PTPRM: variants seen among roughly 807,000 people sequenced by gnomAD.
The protein encoded by PTPRM is protein tyrosine phosphatase receptor type M.
PTPRM carries 47 observed loss-of-function variants against 186.7 expected under a neutral mutation model. The ratio of observed to expected loss-of-function variants is 0.25; its 90% CI spans 0.20 to 0.32. The LOEUF (loss-of-function observed/expected upper bound fraction) is 0.32, where lower values mean the gene tolerates loss of function less well. PTPRM is among the 10% of genes least tolerant of loss of function. PTPRM has a pLI of 1.00. For synonymous variants in PTPRM, 668 were observed against 674.9 expected (o/e 0.99, Z 0.16); for missense variants, 1,494 against 1,865.0 (o/e 0.80, Z 3.66).
At chr18:7,997,474 G>A (rs1473736221) in intron 7 of PTPRM, among the ~76,000 whole-genome samples, 1 of 152,102 alleles carries the variant, frequency 6.6e-6, no homozygotes, top group African/African-American at 2.4e-5. Context: ...ATTGGTCTGG[G>A]CAAATATTTT....
chr18:8,355,637 GA>G (rs2148353190), intron 23 of PTPRM, among the ~76,000 whole-genome samples: 1 of 152,304 alleles, frequency 6.6e-6, no homozygotes, highest in East Asian at 1.9e-4. Flanking sequence ...ATCAGCATCT[GA>G]CTTAACAAGG....
chr18:8,029,029 C>G lies in PTPRM; in HGVS notation c.1133-40657C>G, dbSNP rs190999184. Among the ~76,000 whole-genome samples the G allele has an allele frequency of 5.3e-5, 8 of 152,340 alleles. No homozygotes were observed. The East Asian group carries it at 1.2e-3, about 22-fold the overall frequency. ...CTTTCTCACCAACACCAGGGCTGGG[C>G]CTTCCCTATGCAATGGCTTACTGCC... On this transcript the variant is annotated intron_variant, in intron 7 of 32. Coordinates refer to ENST00000580170, the MANE Select transcript of PTPRM (RefSeq NM_001105244.2).
intron 1 of PTPRM, among the ~76,000 whole-genome samples, chr18:7,689,773 G>A (rs1046070700): frequency 2.2e-4 from 33 of 152,216 alleles, no homozygotes; most frequent in Admixed American, 1.8e-3. Context: ...TACTGCACTC[G>A]TTAAGATGGT....
chr18:8,149,160 C>G (rs1420812985), intron 14 of PTPRM, among the ~76,000 whole-genome samples: 1 of 152,066 alleles, frequency 6.6e-6, no homozygotes, highest in Admixed American at 6.6e-5. Context: ...GTGGATGTCT[C>G]TTAGGTCCAC....
At chr18:8,275,783 C>A (rs190987715) in intron 19 of PTPRM, among the ~76,000 whole-genome samples, 42 of 152,246 alleles carry the variant, frequency 2.8e-4, no homozygotes, top group African/African-American at 9.6e-4. Context: ...GAACTGGGTC[C>A]CTTCATTCTT....
At position 7,568,313 on chromosome 18, in the gene PTPRM, A is replaced by G. The variant is rs978296770; in HGVS notation, c.73+422A>G. On this transcript the variant is annotated intron_variant, in intron 1 of 32. Coordinates refer to ENST00000580170, the MANE Select transcript of PTPRM (RefSeq NM_001105244.2). This position sits in a 1 kb window ranked among gnomAD's most constrained non-coding sequence, Gnocchi z 5.1. ...TGCGCGGTCCCCGCCGACCCCGAGC[A>G]GCGGCCGGGCCCAGGCCGCTGGTGT... 4.0e-5 allele frequency among the ~76,000 whole-genome samples: 6 copies of G among 151,724 alleles called. No homozygotes were observed. Among genetic ancestry groups the G allele is most frequent in the Non-Finnish European group, 7.4e-5 (5 of 67,900 alleles).
chr18:8,328,487 C>T (rs2095392234), intron 22 of PTPRM, among the ~76,000 whole-genome samples: 1 of 152,196 alleles, frequency 6.6e-6, no homozygotes, highest in Non-Finnish European at 1.5e-5. Context: ...TGTTAGCTAG[C>T]ACTGTGCTTC....
intron 11 of PTPRM, among the ~76,000 whole-genome samples, chr18:8,092,603 A>G (rs1031300197): frequency 1.3e-5 from 2 of 152,062 alleles, no homozygotes; most frequent in Non-Finnish European, 2.9e-5. Context: ...ATTCACCAAT[A>G]CTGACATGAC....
chr18:7,943,639 C>T (rs2052337703), intron 5 of PTPRM, among the ~76,000 whole-genome samples: 1 of 152,148 alleles, frequency 6.6e-6, no homozygotes. Flanking sequence ...CTCCCAAAAG[C>T]TCTGGGAAGA....
At chr18:7,653,075 T>C (rs923209236) in intron 1 of PTPRM, among the ~76,000 whole-genome samples, 1 of 151,556 alleles carries the variant, frequency 6.6e-6, no homozygotes, top group African/African-American at 2.4e-5. Context: ...ACAATACATG[T>C]CATTAGGGAA....
intron 1 of PTPRM, among the ~76,000 whole-genome samples, chr18:7,641,128 G>A (rs552537038): frequency 6.7e-4 from 102 of 152,226 alleles, no homozygotes; most frequent in Admixed American, 1.4e-3. Flanking sequence ...CTTGATTCAG[G>A]ACCTGGCTGT....
intron 2 of PTPRM, among the ~76,000 whole-genome samples, chr18:7,799,652 G>A (rs2043849231): frequency 6.6e-6 from 1 of 151,816 alleles, no homozygotes; most frequent in Admixed American, 6.6e-5. Flanking sequence ...GAACACCTTT[G>A]GTTAGATTTA....
At chr18:8,039,483 A>T (rs2148145833) in intron 7 of PTPRM, among the ~76,000 whole-genome samples, 1 of 152,256 alleles carries the variant, frequency 6.6e-6, no homozygotes, top group Admixed American at 6.5e-5. Context: ...GATTATCTTT[A>T]TTATTTAAAA....
At position 8,017,959 on chromosome 18, in the gene PTPRM, G is replaced by A. The variant is rs2084981017; in HGVS notation, c.1133-51727G>A. On this transcript the variant is annotated intron_variant, in intron 7 of 32. Coordinates refer to ENST00000580170, the MANE Select transcript of PTPRM (RefSeq NM_001105244.2). ...AAAGAATGATCATAGAAACTGTTAGGTACAAATGGAAACTTCTTGCTAAAT... is the reference window on the plus strand; with the variant it reads ...AAAGAATGATCATAGAAACTGTTAGATACAAATGGAAACTTCTTGCTAAAT... The A allele has an allele frequency of 2.0e-5, 3 of 152,142 alleles. No homozygotes were observed. The South Asian group carries it at 6.2e-4, about 32-fold the overall frequency. 9.4% of individuals were successfully genotyped at this position (152,142 alleles called of 1,614,324 possible). A position where few individuals can be genotyped will look rare whatever the true frequency, so the allele number is the denominator to read the frequency against.
intron 1 of PTPRM, among the ~76,000 whole-genome samples, chr18:7,609,097 G>C (rs1368013365): frequency 1.3e-5 from 2 of 152,150 alleles, no homozygotes; most frequent in African/African-American, 2.4e-5. Context: ...ACACATGCTT[G>C]TTCATTCCTT....
chr18:8,276,822 T>C (rs1252517304), intron 19 of PTPRM, among the ~76,000 whole-genome samples: 2 of 152,198 alleles, frequency 1.3e-5, no homozygotes, highest in East Asian at 3.9e-4. Flanking sequence ...ACCTGAAGTG[T>C]TGGAGGACAG....
chr18:8,022,444 C>T (rs1442352647), intron 7 of PTPRM, among the ~76,000 whole-genome samples: 1 of 152,232 alleles, frequency 6.6e-6, no homozygotes, highest in Non-Finnish European at 1.5e-5. Context: ...TTCTGCTACA[C>T]TTAATTTTTG....
chr18:7,623,656 T>A (rs777338551), intron 1 of PTPRM, among the ~76,000 whole-genome samples: 2 of 152,194 alleles, frequency 1.3e-5, no homozygotes, highest in Non-Finnish European at 2.9e-5. Context: ...TTATTAATAA[T>A]GTTACCTTGA....
intron 1 of PTPRM, among the ~76,000 whole-genome samples, chr18:7,570,246 TTTG>T (rs1454816369): frequency 1.3e-5 from 2 of 152,192 alleles, no homozygotes; most frequent in African/African-American, 4.8e-5. Flanking sequence ...GAATCAGGGT[TTTG>T]TTTTTTGTTT....
Sources: allele counts gnomAD v4.1 joint callset (sites outside exome capture counted in the v4.1 genomes callset), GRCh38; gene constraint gnomAD v4.1.1; non-coding constraint Gnocchi (gnomAD v3.1); transcripts MANE v1.5; gene names NCBI Gene and HGNC (gene_info 2026-07-23, HGNC 2026-07-21).